BCO1: variants seen among roughly 807,000 people sequenced by gnomAD.
BCO1 encodes beta-carotene oxygenase 1.
Under a neutral mutation model 56.3 loss-of-function variants are expected in BCO1, and 54 were observed. That is an observed-to-expected ratio of 0.96 (90% confidence interval 0.77 to 1.20). The LOEUF is 1.20. BCO1 is among the 50% of genes most tolerant of loss of function. BCO1 has a pLI of 0.00. For synonymous variants in BCO1, 318 were observed against 266.1 expected, an observed-to-expected ratio of 1.20 and a Z score of -1.90; for missense variants, 801 against 690.9, an observed-to-expected ratio of 1.16 and a Z score of -1.79.
chr16:81,253,881 C>T (rs566264179), intron 2 of BCO1, among the ~76,000 whole-genome samples: 24 of 152,162 alleles, frequency 1.6e-4, no homozygotes, highest in African/African-American at 5.3e-4. Flanking sequence ...GAGGATCACT[C>T]GAGCCTGGGA....
chr16:81,242,033 T>C (rs970695959), intron 1 of BCO1, among the ~76,000 whole-genome samples: 4 of 152,036 alleles, frequency 2.6e-5, no homozygotes, highest in Non-Finnish European at 5.9e-5. Context: ...GGCTGGTGTA[T>C]GAATGCATGT....
At chr16:81,266,856 T>C (rs1906860736) in intron 5 of BCO1, among the ~76,000 whole-genome samples, 1 of 152,186 alleles carries the variant, frequency 6.6e-6, no homozygotes, top group South Asian at 2.1e-4. Flanking sequence ...CAGTTTGCAT[T>C]GTGTTCCATT....
chr16:81,253,709 A>G (rs1220772169), intron 2 of BCO1, among the ~76,000 whole-genome samples: 1 of 152,180 alleles, frequency 6.6e-6, no homozygotes, highest in African/African-American at 2.4e-5. Context: ...CACACTTGTA[A>G]TCCCAGCACT....
chr16:81,281,240 G>T (rs796540126), intron 8 of BCO1, among the ~76,000 whole-genome samples: 2 of 152,290 alleles, frequency 1.3e-5, no homozygotes, highest in African/African-American at 4.8e-5. Context: ...GAGGCCAGGA[G>T]TTCAAGACCA....
intron 6 of BCO1, 70 bp downstream of exon 6, chr16:81,268,201 G>T (rs909199031): frequency 1.4e-6 from 2 of 1,447,030 alleles, no homozygotes; most frequent in Non-Finnish European, 1.9e-6. Context: ...GTGCAGGAGG[G>T]TGAAGTTTAA....
chr16:81,279,647 A>C (rs191708740), intron 7 of BCO1, among the ~76,000 whole-genome samples: 1 of 152,180 alleles, frequency 6.6e-6, no homozygotes, highest in Non-Finnish European at 1.5e-5. Flanking sequence ...AGAGAGGCCA[A>C]CTGACTTGCT....
chr16:81,285,973 CCAGCAGAGAGG>C (rs1449601121), intron 9 of BCO1, among the ~76,000 whole-genome samples: 6 of 152,150 alleles, frequency 3.9e-5, no homozygotes, highest in Non-Finnish European at 8.8e-5. Context: ...CTCACCCTCT[CCAGCAGAGAGG>C]GTGTAGCTGA....
intron 8 of BCO1, among the ~76,000 whole-genome samples, chr16:81,284,374 A>C (rs1360394293): frequency 6.6e-6 from 1 of 151,790 alleles, no homozygotes; most frequent in African/African-American, 2.4e-5. Flanking sequence ...ATTTCACATA[A>C]TGAGAAACTT....
At chr16:81,262,375 C>A in intron 4 of BCO1, 92 bp downstream of exon 4, 1 of 1,419,304 alleles carries the variant, frequency 7.0e-7, no homozygotes. Flanking sequence ...CTGCAAGCAG[C>A]TTACCAGGGG....
intron 2 of BCO1, among the ~76,000 whole-genome samples, chr16:81,250,298 C>T (rs750526608): frequency 6.6e-6 from 1 of 152,124 alleles, no homozygotes; most frequent in Non-Finnish European, 1.5e-5. Flanking sequence ...CCCTGTTTCC[C>T]CTTCCCACCA....
intron 4 of BCO1, chr16:81,263,971 A>C (rs151317944): frequency 0.012 from 1,861 of 156,348 alleles, 32 homozygotes; most frequent in Non-Finnish European, 0.014. Context: ...GAAAGGAGTT[A>C]TCTGACTCTG....
chr16:81,243,316 A>G (rs1022318758), intron 1 of BCO1, among the ~76,000 whole-genome samples: 1 of 152,174 alleles, frequency 6.6e-6, no homozygotes. Context: ...TCTGAGGATT[A>G]GATCAGGACC....
At chr16:81,271,769 T>G (rs1331848469) in intron 7 of BCO1, among the ~76,000 whole-genome samples, 1 of 152,122 alleles carries the variant, frequency 6.6e-6, no homozygotes, top group Non-Finnish European at 1.5e-5. Context: ...TTGTTTGTTT[T>G]GAGACAGTCT....
intron 5 of BCO1, among the ~76,000 whole-genome samples, chr16:81,265,712 C>T (rs955645914): frequency 6.6e-6 from 1 of 150,922 alleles, no homozygotes; most frequent in Non-Finnish European, 1.5e-5. Flanking sequence ...ATCTACCTAC[C>T]CATCCACCCA....
intron 1 of BCO1, among the ~76,000 whole-genome samples, chr16:81,244,816 C>A (rs1030001220): frequency 8.6e-5 from 13 of 150,970 alleles, no homozygotes; most frequent in African/African-American, 2.7e-4. Context: ...AGCTCCCAGG[C>A]TCAAGCGATC....
Position 81,280,859 on chromosome 16 carries a change from T to C in BCO1, c.1104T>C (p.Asn368=), listed in dbSNP as rs1198889098. 4 of 1,612,258 alleles carry C rather than the reference T, an allele frequency of 2.5e-6. No individual in the cohort carries two copies. The highest frequency in any genetic ancestry group is 3.4e-6 in the Non-Finnish European group (4 of 1,178,220). Residue 368 remains asparagine (N), a splice_region_variant and synonymous_variant, in exon 8 of 11, where the codon AAT becomes AAC. Transcript: ENST00000258168. ...RFAVPLHVDK[N]AEVGTNLIKV... is the part of the protein sequence containing the mutation. ...TTTTGAAAACTGAATTTTTTCAGAA[T>C]GCAGAAGTGGGCACAAATTTAATCA... is the stretch of plus-strand genomic sequence containing the variant.
chr16:81,256,903 A>T (rs986507838), intron 2 of BCO1, among the ~76,000 whole-genome samples: 1 of 151,966 alleles, frequency 6.6e-6, no homozygotes, highest in Non-Finnish European at 1.5e-5. Flanking sequence ...GAAAAAAAAA[A>T]AGTTATCAGG....
chr16:81,257,330 T>C (rs1472284348), intron 2 of BCO1, among the ~76,000 whole-genome samples: 1 of 152,080 alleles, frequency 6.6e-6, no homozygotes, highest in Non-Finnish European at 1.5e-5. Flanking sequence ...AGTGGCGCGA[T>C]CTCGGCTCAC....
At chr16:81,275,297 C>T (rs1458627607) in intron 7 of BCO1, among the ~76,000 whole-genome samples, 3 of 152,242 alleles carry the variant, frequency 2.0e-5, no homozygotes, top group South Asian at 2.1e-4. Flanking sequence ...ACATTGGGAT[C>T]CCCTGGAGAG....
Sources: allele counts gnomAD v4.1 joint callset (sites outside exome capture counted in the v4.1 genomes callset), GRCh38; gene constraint gnomAD v4.1.1; transcripts MANE v1.5; gene names NCBI Gene and HGNC (gene_info 2026-07-23, HGNC 2026-07-21).